Variants in SMYD3 observed in about 807,000 individuals in gnomAD.
SMYD3 encodes histone-lysine N-methyltransferase SMYD3.
A neutral mutation model predicts 57.7 loss-of-function variants in SMYD3; 36 were observed. The ratio of observed to expected loss-of-function variants is 0.62; its 90% CI spans 0.48 to 0.82. The LOEUF (loss-of-function observed/expected upper bound fraction) is 0.82. Among genes scored for constraint, SMYD3 ranks in the 40% least tolerant of loss-of-function variants. SMYD3 has a pLI of 0.00. For synonymous variants in SMYD3, 211 were observed against 195.0 expected, an observed-to-expected ratio of 1.08 and a Z score of -0.68; for missense variants, 515 against 538.8, an observed-to-expected ratio of 0.96 and a Z score of 0.44.
intron 5 of SMYD3, chr1:246,025,757 T>C (rs988221184): frequency 6.6e-6 from 1 of 152,230 alleles, no homozygotes; most frequent in Non-Finnish European, 1.5e-5. Flanking sequence ...AATAGAGGTA[T>C]AGATTCAGTG....
chr1:245,811,765 GC>G (rs1343759945), intron 10 of SMYD3, among the ~76,000 whole-genome samples: 3 of 152,292 alleles, frequency 2.0e-5, no homozygotes, highest in African/African-American at 7.2e-5. Context: ...CAGGTGATGT[GC>G]TGTACAGGTG....
chr1:245,751,611 AG>A (rs1369437255), intron 11 of SMYD3, among the ~76,000 whole-genome samples: 4 of 130,114 alleles, frequency 3.1e-5, no homozygotes, highest in African/African-American at 1.1e-4. Context: ...AGAGAGAAAG[AG>A]AGAGAGAAAA....
intron 1 of SMYD3, among the ~76,000 whole-genome samples, chr1:246,403,345 T>G (rs554687969): frequency 6.6e-6 from 1 of 151,300 alleles, no homozygotes; most frequent in Non-Finnish European, 1.5e-5. Context: ...AAAAAAAAAT[T>G]TAATTAGCCA....
intron 1 of SMYD3, among the ~76,000 whole-genome samples, chr1:246,369,770 C>T (rs1367893126): frequency 2.0e-5 from 3 of 152,112 alleles, no homozygotes; most frequent in Admixed American, 2.0e-4. Context: ...TCAAGCAATC[C>T]TCCCACCTCA....
chr1:245,858,481 C>T lies in SMYD3; in HGVS notation c.1076+15G>A. On this transcript the variant is annotated intron_variant, in intron 10 of 11. Transcript: ENST00000490107. ...ACGTCCTAGCCCTTATGTCAGCCCT[C>T]TCCCTGGGACTTGCCTGTATGGCTC... is the stretch of plus-strand genomic sequence containing the variant. The T allele has an allele frequency of 1.2e-6, 2 of 1,608,080 alleles. No homozygotes were observed. The highest frequency in any genetic ancestry group is 1.7e-6 in the Non-Finnish European group (2 of 1,177,410).
rs556765988 is a variant in SMYD3 at position 246,131,535 on chromosome 1, T to C, written c.531+195666A>G. 2.6e-5 allele frequency among the ~76,000 whole-genome samples: 4 copies of C among 152,322 alleles called. No homozygotes were observed. The South Asian group carries it at 6.2e-4, about 24-fold the overall frequency. ...GGAAAGAATATACATTTCCGTTACTTCATAGTCAACCCAAAATGATCTGAG... is the reference window on the plus strand; with the variant it reads ...GGAAAGAATATACATTTCCGTTACTCCATAGTCAACCCAAAATGATCTGAG... On this transcript the variant is annotated intron_variant, in intron 5 of 11. Coordinates refer to ENST00000490107, the MANE Select transcript of SMYD3 (RefSeq NM_001167740.2).
At chr1:245,790,243 G>C (rs1318558682) in intron 10 of SMYD3, among the ~76,000 whole-genome samples, 1 of 152,124 alleles carries the variant, frequency 6.6e-6, no homozygotes, top group Non-Finnish European at 1.5e-5. Flanking sequence ...AACCCCCAGG[G>C]GCACAAAACA....
chr1:246,136,783 C>T (rs1390787070), intron 5 of SMYD3, among the ~76,000 whole-genome samples: 1 of 152,146 alleles, frequency 6.6e-6, no homozygotes, highest in African/African-American at 2.4e-5. Flanking sequence ...GAATGGTAGG[C>T]TGGAACTAAG....
intron 1 of SMYD3, among the ~76,000 whole-genome samples, chr1:246,442,449 T>C (rs971914731): frequency 1.3e-5 from 2 of 151,882 alleles, no homozygotes; most frequent in Admixed American, 1.3e-4. Flanking sequence ...CTCGGGAGGC[T>C]GAGGCAGGAA....
chr1:246,076,987 G>A (rs886916879), intron 5 of SMYD3, among the ~76,000 whole-genome samples: 10 of 152,184 alleles, frequency 6.6e-5, no homozygotes, highest in African/African-American at 2.2e-4. Context: ...TGGAGAATCA[G>A]GAAAAGTTTG....
chr1:246,229,410 A>T (rs1332741839), intron 5 of SMYD3, among the ~76,000 whole-genome samples: 2 of 152,240 alleles, frequency 1.3e-5, no homozygotes, highest in Non-Finnish European at 2.9e-5. Context: ...CATTGAACAA[A>T]ATAATGCCAA....
At chr1:245,997,581 C>A (rs2058956005) in intron 5 of SMYD3, among the ~76,000 whole-genome samples, 1 of 152,202 alleles carries the variant, frequency 6.6e-6, no homozygotes, top group South Asian at 2.1e-4. Flanking sequence ...TGTGGGCTGG[C>A]TGGCTGGGGT....
intron 2 of SMYD3, among the ~76,000 whole-genome samples, chr1:246,343,788 T>C (rs1467232998): frequency 6.6e-6 from 1 of 152,176 alleles, no homozygotes; most frequent in Non-Finnish European, 1.5e-5. Context: ...GCCCTGACTC[T>C]TACCCTTCTA....
At chr1:246,221,248 C>T (rs1222826363) in intron 5 of SMYD3, among the ~76,000 whole-genome samples, 1 of 152,174 alleles carries the variant, frequency 6.6e-6, no homozygotes, top group African/African-American at 2.4e-5. Flanking sequence ...GACATCCTGG[C>T]TACGGAGAGG....
chr1:246,058,576 T>G (rs2060193597), intron 5 of SMYD3, among the ~76,000 whole-genome samples: 1 of 152,094 alleles, frequency 6.6e-6, no homozygotes, highest in Non-Finnish European at 1.5e-5. Context: ...AAATAAAAAT[T>G]TTACACTTTC....
intron 2 of SMYD3, among the ~76,000 whole-genome samples, chr1:246,349,193 C>G (rs538374414): frequency 9.1e-4 from 138 of 152,252 alleles, no homozygotes; most frequent in Non-Finnish European, 1.5e-3. Flanking sequence ...AAAATAAAAA[C>G]TTTCATTTTT....
chr1:246,505,578 C>T (rs2068525188), intron 1 of SMYD3, among the ~76,000 whole-genome samples: 1 of 152,168 alleles, frequency 6.6e-6, no homozygotes, highest in Non-Finnish European at 1.5e-5. Context: ...TTGGTTCAGC[C>T]GATGCCCAGT....
intron 5 of SMYD3, chr1:246,326,495 C>G (rs371009090): frequency 1.7e-6 from 1 of 574,216 alleles, no homozygotes. Flanking sequence ...TTCAGGAGGC[C>G]GGGCGTGGCA....
intron 1 of SMYD3, among the ~76,000 whole-genome samples, chr1:246,411,693 G>T (rs1263112878): frequency 6.6e-6 from 1 of 151,974 alleles, no homozygotes; most frequent in Non-Finnish European, 1.5e-5. Flanking sequence ...GATGAAGCTG[G>T]AAACCATCAT....
Sources: allele counts gnomAD v4.1 joint callset (sites outside exome capture counted in the v4.1 genomes callset), GRCh38; gene constraint gnomAD v4.1.1; transcripts MANE v1.5; gene names NCBI Gene and HGNC (gene_info 2026-07-23, HGNC 2026-07-21).